The following ERBB4 variants were observed in gnomAD, a reference collection of about 807,000 sequenced individuals.
ERBB4 encodes the protein receptor tyrosine-protein kinase erbB-4.
Under a neutral mutation model 158.0 loss-of-function variants are expected in ERBB4, and 42 were observed. That is an observed-to-expected ratio of 0.27 (90% confidence interval 0.21 to 0.34). ERBB4 has a LOEUF of 0.34. Ranked by LOEUF, ERBB4 falls within the 10% of genes least tolerant of loss-of-function variation. ERBB4 has a pLI of 1.00. For missense variants in ERBB4, 1,333 were observed against 1,624.1 expected (o/e 0.82, Z 3.08); for synonymous variants, 583 against 558.7 (o/e 1.04, Z -0.61).
chr2:212,100,405 G>T (rs963605109), intron 2 of ERBB4, among the ~76,000 whole-genome samples: 1 of 152,146 alleles, frequency 6.6e-6, no homozygotes, highest in African/African-American at 2.4e-5. Context: ...CCTGATACAA[G>T]AAATAAATAG....
At chr2:211,986,518 C>G (rs1036674211) in intron 2 of ERBB4, among the ~76,000 whole-genome samples, 1 of 152,182 alleles carries the variant, frequency 6.6e-6, no homozygotes, top group Non-Finnish European at 1.5e-5. Flanking sequence ...TAAAAGCACA[C>G]GTGAGAGGAA....
At chr2:211,784,728 C>T (rs1017459664) in intron 4 of ERBB4, among the ~76,000 whole-genome samples, 2 of 152,092 alleles carry the variant, frequency 1.3e-5, no homozygotes, top group Admixed American at 6.6e-5. Context: ...AAGAAGGATT[C>T]CAATTTCTTC....
Position 212,211,365 on chromosome 2 carries a change from A to G in ERBB4, c.83-86462T>C, listed in dbSNP as rs2082926938. Among the ~76,000 whole-genome samples, 3 of 152,128 alleles carry G rather than the reference A, an allele frequency of 2.0e-5. No homozygotes were observed. In the South Asian group the frequency reaches 6.2e-4, roughly 31 times the overall value. On this transcript the variant is annotated intron_variant, in intron 1 of 27. Transcript: ENST00000342788. ...ACTCAGGCTTCTGATAACATCCTACATAGCACCTGTGCTGCAAAAGACTCA... is the reference window on the plus strand; with the variant it reads ...ACTCAGGCTTCTGATAACATCCTACGTAGCACCTGTGCTGCAAAAGACTCA...
At chr2:212,027,093 T>A (rs1334246672) in intron 2 of ERBB4, among the ~76,000 whole-genome samples, 1 of 151,980 alleles carries the variant, frequency 6.6e-6, no homozygotes, top group African/African-American at 2.4e-5. Context: ...GGTACAGGTA[T>A]TATGTCCAGT....
chr2:211,992,561 GA>G (rs1205927664), intron 2 of ERBB4, among the ~76,000 whole-genome samples: 4 of 63,038 alleles, frequency 6.3e-5, no homozygotes, highest in South Asian at 5.9e-4. Flanking sequence ...GAGAGAGAGA[GA>G]GAGAGAAAAA....
At chr2:212,017,039 G>A (rs1387063729) in intron 2 of ERBB4, among the ~76,000 whole-genome samples, 1 of 151,970 alleles carries the variant, frequency 6.6e-6, no homozygotes, top group African/African-American at 2.4e-5. Flanking sequence ...AATTAAATAT[G>A]CAGCGTATTT....
At chr2:211,461,296 ATAT>A (rs2064524181) in intron 20 of ERBB4, among the ~76,000 whole-genome samples, 1 of 152,194 alleles carries the variant, frequency 6.6e-6, no homozygotes, top group South Asian at 2.1e-4. Context: ...GTAGATATTT[ATAT>A]TATTATCAAT....
chr2:212,085,598 G>A (rs1029730393), intron 2 of ERBB4, among the ~76,000 whole-genome samples: 1 of 151,760 alleles, frequency 6.6e-6, no homozygotes, highest in South Asian at 2.1e-4. Context: ...ACAGTTGCAG[G>A]TCATCTTCAT....
chr2:211,420,390 T>C (rs773630425), intron 25 of ERBB4, 51 bp downstream of exon 25: 13 of 1,306,706 alleles, frequency 9.9e-6, no homozygotes, highest in Admixed American at 7.1e-5. Flanking sequence ...AACTATTACA[T>C]GATTTTATAT....
At chr2:211,962,463 A>G (rs1290972531) in intron 2 of ERBB4, among the ~76,000 whole-genome samples, 1 of 152,172 alleles carries the variant, frequency 6.6e-6, no homozygotes, top group Non-Finnish European at 1.5e-5. Context: ...TGAATGGAAA[A>G]TGAGTCAGGG....
chr2:212,134,615 C>T (rs1024134543), intron 1 of ERBB4, among the ~76,000 whole-genome samples: 2 of 151,260 alleles, frequency 1.3e-5, no homozygotes, highest in East Asian at 1.9e-4. Flanking sequence ...TATCTTCTAC[C>T]ACTGTTTTAT....
chr2:212,432,915 G>A (rs558319351), intron 1 of ERBB4, among the ~76,000 whole-genome samples: 26 of 152,112 alleles, frequency 1.7e-4, no homozygotes, highest in South Asian at 1.2e-3. Context: ...GAATCATCTC[G>A]AAGTCTGATG....
At chr2:211,678,300 C>CA (rs66468350) in intron 13 of ERBB4, among the ~76,000 whole-genome samples, 21 of 96,572 alleles carry the variant, frequency 2.2e-4, no homozygotes, top group Admixed American at 7.0e-4. Context: ...AACAAACAAA[C>CA]AAAAAAAAAC....
At chr2:211,474,167 G>C (rs1480050695) in intron 20 of ERBB4, among the ~76,000 whole-genome samples, 1 of 152,052 alleles carries the variant, frequency 6.6e-6, no homozygotes, top group East Asian at 1.9e-4. Flanking sequence ...TGCTCCAGGG[G>C]TAAGGACTGG....
At chr2:212,117,619 A>G (rs1244622154) in intron 2 of ERBB4, among the ~76,000 whole-genome samples, 1 of 152,224 alleles carries the variant, frequency 6.6e-6, no homozygotes, top group Non-Finnish European at 1.5e-5. Context: ...GTATAGTAGG[A>G]ACTATACAGT....
intron 2 of ERBB4, among the ~76,000 whole-genome samples, chr2:211,980,148 A>T (rs1319790989): frequency 6.6e-6 from 1 of 152,194 alleles, no homozygotes; most frequent in Non-Finnish European, 1.5e-5. Context: ...GAATAAAAAT[A>T]GAATTGAGGC....
At chr2:211,529,779 G>A (rs552609365) in intron 20 of ERBB4, among the ~76,000 whole-genome samples, 132 of 152,204 alleles carry the variant, frequency 8.7e-4, no homozygotes, top group Non-Finnish European at 1.5e-3. Flanking sequence ...CTAAAAAAGT[G>A]TTTGATAAAA....
At chr2:212,132,128 GA>G (rs998328436) in intron 1 of ERBB4, among the ~76,000 whole-genome samples, 4 of 152,032 alleles carry the variant, frequency 2.6e-5, no homozygotes, top group African/African-American at 9.7e-5. Context: ...TAAGTTATAG[GA>G]TATCAAGGAG....
intron 19 of ERBB4, among the ~76,000 whole-genome samples, chr2:211,579,907 A>G (rs1394530520): frequency 6.6e-6 from 1 of 152,104 alleles, no homozygotes; most frequent in African/African-American, 2.4e-5. Context: ...GGCACACATT[A>G]ACCTACGTAA....
Sources: allele counts gnomAD v4.1 joint callset (sites outside exome capture counted in the v4.1 genomes callset), GRCh38; gene constraint gnomAD v4.1.1; transcripts MANE v1.5; gene names NCBI Gene and HGNC (gene_info 2026-07-23, HGNC 2026-07-21).